Variants in CPNE8 observed in about 807,000 individuals in gnomAD.
The protein encoded by CPNE8 is copine-8.
A neutral mutation model predicts 81.5 loss-of-function variants in CPNE8; 45 were observed. That is an observed-to-expected ratio of 0.55 (90% CI 0.44 to 0.71). The LOEUF is 0.71. Among genes scored for constraint, CPNE8 ranks in the 30% least tolerant of loss-of-function variants. The probability of loss-of-function intolerance (pLI) is 0.00; values close to 1 mark genes in which losing one functional copy is unlikely to be tolerated. For synonymous variants in CPNE8, 252 were observed against 226.3 expected, an observed-to-expected ratio of 1.11 and a Z score of -1.02; for missense variants, 594 against 672.1, an observed-to-expected ratio of 0.88 and a Z score of 1.28.
intron 13 of CPNE8, among the ~76,000 whole-genome samples, chr12:38,711,086 C>T (rs569287220): frequency 5.9e-5 from 9 of 152,048 alleles, no homozygotes; most frequent in Non-Finnish European, 8.8e-5. Context: ...TTCTAAGTTT[C>T]GAAGAAAAGT....
At chr12:38,670,925 T>C (rs35326581) in intron 18 of CPNE8, 123 bp from the exon 19 acceptor site, 134,886 of 625,710 alleles carry the variant, frequency 0.22, 16,833 homozygotes, top group Non-Finnish European at 0.26. Flanking sequence ...AGAAAGCATG[T>C]TGATCCCTTC....
chr12:38,684,234 A>G (rs1939478821), intron 16 of CPNE8, among the ~76,000 whole-genome samples: 1 of 152,162 alleles, frequency 6.6e-6, no homozygotes, highest in Admixed American at 6.5e-5. Flanking sequence ...AAGCTAGGAT[A>G]TGTTTTTCAG....
At chr12:38,777,400 A>T (rs1343218390) in intron 6 of CPNE8, among the ~76,000 whole-genome samples, 1 of 152,232 alleles carries the variant, frequency 6.6e-6, no homozygotes, top group Non-Finnish European at 1.5e-5. Flanking sequence ...CATTTTAAAA[A>T]GTTTAAAATA....
intron 1 of CPNE8, among the ~76,000 whole-genome samples, chr12:38,881,469 C>A (rs1379239978): frequency 2.0e-5 from 3 of 152,064 alleles, no homozygotes; most frequent in African/African-American, 7.2e-5. Flanking sequence ...CAGATATTAC[C>A]CAACAGACAC....
At chr12:38,774,757 T>G (rs1941890523) in intron 7 of CPNE8, among the ~76,000 whole-genome samples, 1 of 152,294 alleles carries the variant, frequency 6.6e-6, no homozygotes, top group Non-Finnish European at 1.5e-5. Context: ...TTGAGTCTGA[T>G]AGTCTTTAAC....
intron 6 of CPNE8, among the ~76,000 whole-genome samples, chr12:38,806,641 A>G (rs1021994872): frequency 2.8e-5 from 4 of 144,966 alleles, no homozygotes; most frequent in African/African-American, 7.3e-5. Flanking sequence ...CCCACAGCCA[A>G]TATCATACTG....
chr12:38,673,867 TGCTTAATAG>T (rs1939232444), intron 18 of CPNE8, among the ~76,000 whole-genome samples: 1 of 151,362 alleles, frequency 6.6e-6, no homozygotes, highest in South Asian at 2.1e-4. Context: ...CTCGGTGGCA[TGCTTAATAG>T]GCAAAACTCC....
At chr12:38,792,910 GA>G (rs1354867303) in intron 6 of CPNE8, among the ~76,000 whole-genome samples, 10 of 151,744 alleles carry the variant, frequency 6.6e-5, no homozygotes, top group Non-Finnish European at 1.5e-4. Flanking sequence ...TTATGTTTGG[GA>G]TACAAGGATA....
chr12:38,728,462 G>C (rs898607292), intron 11 of CPNE8, among the ~76,000 whole-genome samples: 1 of 152,010 alleles, frequency 6.6e-6, no homozygotes, highest in African/African-American at 2.4e-5. Context: ...TCACCAGAAG[G>C]GTTCGACGGA....
chr12:38,766,481 A>T (rs1170822205), intron 8 of CPNE8, among the ~76,000 whole-genome samples: 1 of 152,186 alleles, frequency 6.6e-6, no homozygotes, highest in Non-Finnish European at 1.5e-5. Context: ...AAGAAGGGAA[A>T]TACACAAAAT....
At chr12:38,683,927 T>C (rs1353449973) in intron 16 of CPNE8, among the ~76,000 whole-genome samples, 2 of 152,096 alleles carry the variant, frequency 1.3e-5, no homozygotes, top group African/African-American at 2.4e-5. Flanking sequence ...TAAATGTATA[T>C]AGAAATGCAC....
At chr12:38,675,516 G>A (rs1489657639) in intron 18 of CPNE8, among the ~76,000 whole-genome samples, 1 of 152,078 alleles carries the variant, frequency 6.6e-6, no homozygotes, top group Non-Finnish European at 1.5e-5. Flanking sequence ...GAAAAGACAG[G>A]ATCTTTTAAT....
chr12:38,796,242 G>A (rs79406282), intron 6 of CPNE8, among the ~76,000 whole-genome samples: 5,390 of 152,110 alleles, frequency 0.035, 290 homozygotes, highest in East Asian at 0.2. Context: ...AGCCAAGATC[G>A]TGCTACTGCA....
chr12:38,788,992 T>C (rs1041597002), intron 6 of CPNE8, among the ~76,000 whole-genome samples: 1 of 151,892 alleles, frequency 6.6e-6, no homozygotes, highest in Non-Finnish European at 1.5e-5. Context: ...GTTTATGGAT[T>C]GGAATAATTC....
At chr12:38,862,483 C>T (rs17119813) in intron 3 of CPNE8, among the ~76,000 whole-genome samples, 6,827 of 152,102 alleles carry the variant, frequency 0.045, 385 homozygotes, top group African/African-American at 0.13. Flanking sequence ...CTTTTCTGTA[C>T]GCCCGACATA....
chr12:38,740,621 G>T (rs1346192147), intron 10 of CPNE8, among the ~76,000 whole-genome samples: 2 of 152,140 alleles, frequency 1.3e-5, no homozygotes, highest in Non-Finnish European at 2.9e-5. Context: ...TTTTGTCAAA[G>T]GCCTTTTCTG....
chr12:38,769,674 A>T (rs1385492512), intron 7 of CPNE8, among the ~76,000 whole-genome samples: 1 of 152,198 alleles, frequency 6.6e-6, no homozygotes, highest in African/African-American at 2.4e-5. Flanking sequence ...ACTTCCAAGA[A>T]ACATTCTGTA....
rs60702724 is a variant in CPNE8 at position 38,736,234 on chromosome 12, T to TGTGTGTGTGTGTGTGTGTGTGTGTG, written c.723-5877_723-5876insCACACACACACACACACACACACAC. Among the ~76,000 whole-genome samples the TGTGTGTGTGTGTGTGTGTGTGTGTG allele has an allele frequency of 4.3e-3, 640 of 148,808 alleles. 8 individuals are homozygous for TGTGTGTGTGTGTGTGTGTGTGTGTG. Among genetic ancestry groups the TGTGTGTGTGTGTGTGTGTGTGTGTG allele is most frequent in the African/African-American group, 0.015 (598 of 40,534 alleles). ...GGGTGTATATATGTGTGTGTGTGTG[T>TGTGTGTGTGTGTGTGTGTGTGTGTG]TGTGTGTGTATTACACTTCTATAAT... On this transcript the variant is annotated intron_variant, in intron 10 of 19. Transcript: ENST00000331366.
chr12:38,695,887 C>A (rs1377401070), intron 14 of CPNE8, among the ~76,000 whole-genome samples: 41 of 151,948 alleles, frequency 2.7e-4, no homozygotes, highest in Non-Finnish European at 1.5e-5. Context: ...GTGCAGTGAG[C>A]CCCTGATAGT....
Sources: allele counts gnomAD v4.1 joint callset (sites outside exome capture counted in the v4.1 genomes callset), GRCh38; gene constraint gnomAD v4.1.1; transcripts MANE v1.5; gene names NCBI Gene and HGNC (gene_info 2026-07-23, HGNC 2026-07-21).